MGAT4B: variants seen among roughly 807,000 people sequenced by gnomAD.
MGAT4B encodes N-acetylglucosaminyltransferase IVb.
A neutral mutation model predicts 73.9 loss-of-function variants in MGAT4B; 38 were observed. That is an observed-to-expected ratio of 0.51 (90% CI 0.40 to 0.67). The LOEUF (loss-of-function observed/expected upper bound fraction) is 0.67, where lower values mean the gene tolerates loss of function less well. MGAT4B is among the 30% of genes least tolerant of loss of function. The probability of loss-of-function intolerance (pLI) is 0.00; values close to 1 mark genes in which losing one functional copy is unlikely to be tolerated. For missense variants in MGAT4B, 686 were observed against 735.2 expected (o/e 0.93, Z 0.77); for synonymous variants, 373 against 313.5 (o/e 1.19, Z -2.01).
chr5:179,797,609 A>C (rs946235859), downstream of MGAT4B: 1 of 157,442 alleles, frequency 6.4e-6, no homozygotes, highest in Non-Finnish European at 1.4e-5. Flanking sequence ...TGAGGCACAC[A>C]CTTCATTAAC....
rs1264841677 is a variant in MGAT4B, at chr5:179,799,419, G to A, written c.1041+87C>T. 1.9e-6 allele frequency: 3 copies of A among 1,607,684 alleles called. No individual in the cohort carries two copies. The East Asian group carries it at 6.7e-5, about 36-fold the overall frequency. ...CCACAGCTGACAGTGCTCTATGTGA[G>A]CAGATGCAAGGACAGGGACACAGTT... On this transcript the variant is annotated intron_variant, in intron 9 of 14. Coordinates refer to ENST00000292591, the MANE Select transcript of MGAT4B (RefSeq NM_014275.5).
chr5:179,804,022 GC>G (rs770202024), intron 1 of MGAT4B, among the ~76,000 whole-genome samples: 1 of 152,206 alleles, frequency 6.6e-6, no homozygotes, highest in Non-Finnish European at 1.5e-5. Context: ...CAGCCTGGGA[GC>G]CCCTGCCACA....
chr5:179,799,023 C>T lies in MGAT4B; in HGVS notation c.1248G>A (p.Glu416=), dbSNP rs934756400. Residue 416 remains glutamate (E), a synonymous_variant, in exon 11 of 15, where the codon GAG becomes GAA. Transcript: ENST00000292591. ...SLKTYQHFTL[E]KAYLREDFFW... is the part of the protein sequence containing the mutation. ...AGAAGTCCTCGCGCAGGTAGGCTTT[C>T]TCCAGGGTGAAGTGCTGGTATGTCT... 5.6e-6 allele frequency: 9 copies of T among 1,613,864 alleles called. No homozygotes were observed. The highest frequency in any genetic ancestry group is 7.6e-6 in the Non-Finnish European group (9 of 1,180,052).
In MGAT4B at chr5:179,801,486, C is replaced by G; in HGVS notation, c.425-19G>C. On this transcript the variant is annotated intron_variant, in intron 3 of 14. Transcript: ENST00000292591. This position sits in a 1 kb window ranked among gnomAD's most constrained non-coding sequence, Gnocchi z 4.8. ...ACCGACACTATGGGGGACGGAGGCCCGACGCTGGAAAGGGTGCGGGGGCCA... is the reference window on the plus strand; with the variant it reads ...ACCGACACTATGGGGGACGGAGGCCGGACGCTGGAAAGGGTGCGGGGGCCA... 3 of 1,602,588 alleles carry G rather than the reference C, an allele frequency of 1.9e-6. No individual in the cohort carries two copies. Among genetic ancestry groups the G allele is most frequent in the Non-Finnish European group, 2.6e-6 (3 of 1,172,342 alleles).
chr5:179,798,041 C>G lies in MGAT4B; in HGVS notation c.*4G>C, dbSNP rs1756725334. On this transcript the variant is annotated 3_prime_UTR_variant, in exon 15 of 15. Coordinates refer to ENST00000292591, the MANE Select transcript of MGAT4B (RefSeq NM_014275.5). The stretch of plus-strand genomic sequence containing the variant: ...GCCACAGGGTACCCTCAGAAGCCCG[C>G]AGCTTAGTCGGCCTTTTTCAGGAAG... 11 of 1,607,898 alleles carry G rather than the reference C, an allele frequency of 6.8e-6. No individual in the cohort carries two copies. The highest frequency in any genetic ancestry group is 8.5e-6 in the Non-Finnish European group (10 of 1,177,948).
At position 179,798,975 on chromosome 5, in the gene MGAT4B, C is replaced by T. The variant is rs766971194; in HGVS notation, c.1296G>A (p.Ala432=). ...AGAAGCGGAAGCGGATGAAGTCCCC[C>T]GCGGCAGGGGTGAAGGCCCAGAAGA... ...EDFFWAFTPA[A]GDFIRFRFFQ... Residue 432 remains alanine (A), a synonymous_variant, in exon 11 of 15, where the codon GCG becomes GCA. Coordinates refer to ENST00000292591, the MANE Select transcript of MGAT4B (RefSeq NM_014275.5). 33 of 1,613,642 alleles carry T rather than the reference C, an allele frequency of 2.0e-5. No individual in the cohort carries two copies. The highest frequency in any genetic ancestry group is 4.5e-5 in the East Asian group (2 of 44,902).
rs751505539 is a variant in MGAT4B, at chr5:179,801,932, C to G, written c.135G>C (p.Ala45=). 1 of 1,613,352 alleles carries G rather than the reference C, an allele frequency of 6.2e-7. No individual in the cohort carries two copies. The highest frequency in any genetic ancestry group is 8.5e-7 in the Non-Finnish European group (1 of 1,180,010). ...CAGCTGCGTGCAACCGATCGCGCAGCGCCAGGAACTCCCGCTGGTAAACGT... is the reference window on the plus strand; with the variant it reads ...CAGCTGCGTGCAACCGATCGCGCAGGGCCAGGAACTCCCGCTGGTAAACGT... ...VVDVYQREFL[A]LRDRLHAAEQ... is the part of the protein sequence containing the mutation. The change falls in exon 2 of 15, where the codon GCG becomes GCC. Residue 45 remains alanine, a synonymous_variant. Coordinates refer to ENST00000292591, the MANE Select transcript of MGAT4B (RefSeq NM_014275.5). The surrounding 1 kb of genome is among the most constrained non-coding windows in gnomAD (Gnocchi z 4.8).
intron 9 of MGAT4B, 65 bp from the exon 10 acceptor site, chr5:179,799,375 G>A: frequency 1.6e-5 from 25 of 1,601,820 alleles, no homozygotes; most frequent in Non-Finnish European, 2.0e-5. Context: ...GGCCTCTCCT[G>A]GGGACTACCA....
rs554967702 is a variant in MGAT4B, at chr5:179,797,784, C to A, written c.*261G>T. 2.1e-4 allele frequency: 94 copies of A among 444,984 alleles called. 2 individuals carry two copies. In the East Asian group the frequency reaches 3.5e-3, roughly 17 times the overall value. The allele number at this position is 444,984 out of a possible 1,614,324, so 27.6% of individuals were successfully genotyped here. On this transcript the variant is annotated 3_prime_UTR_variant, in exon 15 of 15. Transcript: ENST00000292591. ...TAAAAGCTCTTCTAAAACGGCCTGA[C>A]TGGGGCAGGCCGGGTGCGAACGGTT...
intron 1 of MGAT4B, 92 bp from the exon 2 acceptor site, chr5:179,802,061 C>T (rs142810587): frequency 4.8e-4 from 769 of 1,602,050 alleles, no homozygotes; most frequent in Non-Finnish European, 5.9e-4. Context: ...TGGGTGTCCA[C>T]CTCTGCAATA....
At chr5:179,804,003 G>A (rs1263062704) in intron 1 of MGAT4B, among the ~76,000 whole-genome samples, 1 of 152,228 alleles carries the variant, frequency 6.6e-6, no homozygotes, top group East Asian at 1.9e-4. Flanking sequence ...CTCAGGTGAG[G>A]AGAGGGACCA....
At chr5:179,799,458 G>T in intron 9 of MGAT4B, 48 bp downstream of exon 9, 1 of 1,611,956 alleles carries the variant, frequency 6.2e-7, no homozygotes, top group Non-Finnish European at 8.5e-7. Flanking sequence ...GGTGGAGGCT[G>T]CCTGCCCCTT....
At position 179,797,856 on chromosome 5, in the gene MGAT4B, C is replaced by T. The variant is rs780122454; in HGVS notation, c.*189G>A. On this transcript the variant is annotated 3_prime_UTR_variant, in exon 15 of 15. Coordinates refer to ENST00000292591, the MANE Select transcript of MGAT4B (RefSeq NM_014275.5). ...GGGGCCGCCTGCCTCCTCCGCGGCCCGGCGGGCGGGGGCAGCACCAGCTCC... is the reference window on the plus strand; with the variant it reads ...GGGGCCGCCTGCCTCCTCCGCGGCCTGGCGGGCGGGGGCAGCACCAGCTCC... 1,271 of 764,712 alleles carry T rather than the reference C, an allele frequency of 1.7e-3. 7 individuals are homozygous for T. Among genetic ancestry groups the T allele is most frequent in the Non-Finnish European group, 1.3e-3 (663 of 496,428 alleles). The allele number at this position is 764,712 out of a possible 1,614,324, so 47.4% of individuals were successfully genotyped here.
At chr5:179,802,095 C>A (rs753201343) in intron 1 of MGAT4B, 126 bp from the exon 2 acceptor site, 3 of 1,566,842 alleles carry the variant, frequency 1.9e-6, no homozygotes, top group South Asian at 1.2e-5. Flanking sequence ...TGTTCTTGTG[C>A]CTGCCACACG....
At chr5:179,802,949 C>G (rs1757010909) in intron 1 of MGAT4B, 1 of 985,390 alleles carries the variant, frequency 1.0e-6, no homozygotes, top group South Asian at 4.7e-5. Flanking sequence ...CCTCTACACT[C>G]AGGCAGCTCT....
Position 179,801,267 on chromosome 5 carries a change from T to C in MGAT4B, c.558+67A>G. Reference sequence around the variant, plus strand: ...ACAGCTTTCTCCTCGGAATGGTTCCTGCTGTCAGTTCTGCACCGCGGGGGC... The same window carrying C: ...ACAGCTTTCTCCTCGGAATGGTTCCCGCTGTCAGTTCTGCACCGCGGGGGC... On this transcript the variant is annotated intron_variant, in intron 4 of 14. Transcript: ENST00000292591. This position sits in a 1 kb window ranked among gnomAD's most constrained non-coding sequence, Gnocchi z 4.8. The C allele has an allele frequency of 2.0e-6, 3 of 1,528,588 alleles. No homozygotes were observed. The highest frequency in any genetic ancestry group is 2.6e-6 in the Non-Finnish European group (3 of 1,135,226). 94.7% of individuals were successfully genotyped at this position (1,528,588 alleles called of 1,614,324 possible).
Position 179,801,027 on chromosome 5 carries a change from C to T in MGAT4B, c.559-74G>A, listed in dbSNP as rs1756899498. 2 of 1,556,318 alleles carry T rather than the reference C, an allele frequency of 1.3e-6. No homozygotes were observed. Among genetic ancestry groups the T allele is most frequent in the East Asian group, 2.3e-5 (1 of 44,392 alleles). ...GGCCTGGAAGGGCTTGGAGAAGGGG[C>T]ACAGGCTTCAGATGCCCCCCACGTG... On this transcript the variant is annotated intron_variant, in intron 4 of 14. Coordinates refer to ENST00000292591, the MANE Select transcript of MGAT4B (RefSeq NM_014275.5). The surrounding 1 kb of genome is among the most constrained non-coding windows in gnomAD (Gnocchi z 4.8).
At position 179,801,472 on chromosome 5, in the gene MGAT4B, G is replaced by A. The variant is rs941501717; in HGVS notation, c.425-5C>T. On this transcript the variant is annotated splice_polypyrimidine_tract_variant and splice_region_variant and intron_variant, in intron 3 of 14. Transcript: ENST00000292591. The surrounding 1 kb of genome is among the most constrained non-coding windows in gnomAD (Gnocchi z 4.8). The stretch of plus-strand genomic sequence containing the variant: ...GGATGCCCATCACCACCGACACTAT[G>A]GGGGACGGAGGCCCGACGCTGGAAA... The A allele has an allele frequency of 1.2e-6, 2 of 1,604,698 alleles. No homozygotes were observed. Among genetic ancestry groups the A allele is most frequent in the Non-Finnish European group, 1.7e-6 (2 of 1,173,960 alleles).
Position 179,806,610 on chromosome 5 carries a change from CG to C in MGAT4B, c.-28del. 8.4e-7 allele frequency: 1 copy of C among 1,194,858 alleles called. No homozygotes were observed. Among genetic ancestry groups the C allele is most frequent in the Non-Finnish European group, 1.1e-6 (1 of 932,602 alleles). The allele number at this position is 1,194,858 out of a possible 1,614,324, so 74.0% of individuals were successfully genotyped here. A position where few individuals can be genotyped will look rare whatever the true frequency, so the allele number is the denominator to read the frequency against. ...TCCTCGGGTGCGCGGCGGGCGCCCG[CG>C]GGGCCGAGGCTGCATGGCCCGGGGG... is the stretch of plus-strand genomic sequence containing the variant. On this transcript the variant is annotated 5_prime_UTR_variant, in exon 1 of 15. Transcript: ENST00000292591. This position sits in a 1 kb window ranked among gnomAD's most constrained non-coding sequence, Gnocchi z 4.6.
Sources: allele counts gnomAD v4.1 joint callset (sites outside exome capture counted in the v4.1 genomes callset), GRCh38; gene constraint gnomAD v4.1.1; non-coding constraint Gnocchi (gnomAD v3.1); transcripts MANE v1.5; gene names NCBI Gene and HGNC (gene_info 2026-07-23, HGNC 2026-07-21).